Variants in CEP57L1 observed in about 807,000 individuals in gnomAD.
CEP57L1 encodes centrosomal protein 57 like 1.
In CEP57L1, 37 loss-of-function variants were observed where a neutral mutation model predicts 61.0. The observed-to-expected ratio is 0.61, with a 90% confidence interval of 0.47 to 0.80. The LOEUF (loss-of-function observed/expected upper bound fraction) is 0.80. Ranked by LOEUF, CEP57L1 falls within the 30% of genes least tolerant of loss-of-function variation. The pLI is 0.00. For missense variants in CEP57L1, 422 were observed against 524.7 expected, an observed-to-expected ratio of 0.80 and a Z score of 1.91; for synonymous variants, 137 against 162.3, an observed-to-expected ratio of 0.84 and a Z score of 1.19.
At chr6:109,095,411 G>C, upstream of CEP57L1, 2 of 985,902 alleles carry the variant, frequency 2.0e-6, no homozygotes, top group Non-Finnish European at 1.2e-6. Flanking sequence ...ATTTAAGTCG[G>C]TAGGACGTCT....
chr6:109,103,949 C>A (rs1200895479), intron 1 of CEP57L1, among the ~76,000 whole-genome samples: 2 of 150,206 alleles, frequency 1.3e-5, no homozygotes, highest in Admixed American at 6.6e-5. Flanking sequence ...ATATTTCAAA[C>A]AAAAAATAAG....
At chr6:109,129,443 T>C (rs997268560) in intron 1 of CEP57L1, 2 of 616,300 alleles carry the variant, frequency 3.2e-6, no homozygotes, top group African/African-American at 3.8e-5. Flanking sequence ...TATTCTGTAA[T>C]TTCTTCCTCA....
chr6:109,123,185 T>C (rs1183075616), intron 1 of CEP57L1, among the ~76,000 whole-genome samples: 2 of 152,204 alleles, frequency 1.3e-5, no homozygotes, highest in Non-Finnish European at 2.9e-5. Flanking sequence ...TCTATGTATA[T>C]TGATGACTTC....
intron 1 of CEP57L1, among the ~76,000 whole-genome samples, chr6:109,129,822 TAATTTAA>T (rs373308225): frequency 0.12 from 17,673 of 151,534 alleles, 1,130 homozygotes; most frequent in Middle Eastern, 0.21. Flanking sequence ...ATTTTTTTTT[TAATTTAA>T]AATTTAAAAT....
chr6:109,112,376 T>C (rs1216744360), intron 1 of CEP57L1, among the ~76,000 whole-genome samples: 2 of 152,200 alleles, frequency 1.3e-5, no homozygotes, highest in Admixed American at 6.5e-5. Context: ...GATATCCCTT[T>C]TATCATTTTT....
At chr6:109,109,663 T>C (rs752609248) in intron 1 of CEP57L1, among the ~76,000 whole-genome samples, 2 of 152,180 alleles carry the variant, frequency 1.3e-5, no homozygotes, top group South Asian at 2.1e-4. Flanking sequence ...CTACATTAGG[T>C]ATTTCTCCTA....
At chr6:109,126,796 G>A (rs1287227695) in intron 1 of CEP57L1, among the ~76,000 whole-genome samples, 1 of 152,170 alleles carries the variant, frequency 6.6e-6, no homozygotes, top group East Asian at 1.9e-4. Flanking sequence ...TGAATTAACT[G>A]TGCACATGAA....
At position 109,150,202 on chromosome 6, in the gene CEP57L1, A is replaced by C; in HGVS notation, c.425A>C (p.Asn142Thr). The C allele has an allele frequency of 6.2e-7, 1 of 1,606,788 alleles. No homozygotes were observed. Among genetic ancestry groups the C allele is most frequent in the Non-Finnish European group, 8.5e-7 (1 of 1,173,746 alleles). The change falls in exon 4 of 11, where the codon AAC (asparagine) becomes ACC (threonine). Residue 142 changes from asparagine to threonine, a missense_variant. Asn to Thr is a moderately conservative substitution (Grantham distance 65). Coordinates refer to ENST00000517392, the MANE Select transcript of CEP57L1 (RefSeq NM_001271852.3). ...GAATATACAAAGAGAATGGTTCTCAACGTAGAGCGAGAAAAGAACATGATC... is the reference window on the plus strand; with the variant it reads ...GAATATACAAAGAGAATGGTTCTCACCGTAGAGCGAGAAAAGAACATGATC... ...QLEYTKRMVL[N>T]VEREKNMILE...
chr6:109,141,705 A>T (rs189704758), intron 1 of CEP57L1, among the ~76,000 whole-genome samples: 7 of 151,950 alleles, frequency 4.6e-5, no homozygotes, highest in Admixed American at 4.6e-4. Flanking sequence ...ATTCAGTTAT[A>T]ATAAGATAAT....
In CEP57L1 at chr6:109,171,073, G is replaced by A. The variant is rs1363929486; in HGVS notation, c.*8103G>A. 6.6e-6 allele frequency among the ~76,000 whole-genome samples: 1 copy of A among 151,632 alleles called. No homozygotes were observed. Among genetic ancestry groups the A allele is most frequent in the Non-Finnish European group, 1.5e-5 (1 of 67,962 alleles). Reference sequence around the variant, plus strand: ...ATTCTCTCAAGGTATGATTTAAATGGTGGACACTTAAGCCAAAATTTCAAA... The same window carrying A: ...ATTCTCTCAAGGTATGATTTAAATGATGGACACTTAAGCCAAAATTTCAAA... On this transcript the variant is annotated 3_prime_UTR_variant, in exon 11 of 11. Transcript: ENST00000517392.
At chr6:109,123,136 A>G (rs369589191) in intron 1 of CEP57L1, among the ~76,000 whole-genome samples, 277 of 152,092 alleles carry the variant, frequency 1.8e-3, no homozygotes, top group African/African-American at 6.4e-3. Flanking sequence ...TAGACTGCAT[A>G]CTCTATATCT....
rs144706502 is a variant in CEP57L1 at position 109,124,615 on chromosome 6, T to A, written c.-3-20604T>A. 1.1e-3 allele frequency among the ~76,000 whole-genome samples: 163 copies of A among 152,286 alleles called. 1 individual carries two copies. Among genetic ancestry groups the A allele is most frequent in the African/African-American group, 3.5e-3 (147 of 41,550 alleles). ...TTAGTAAGTTAATTCACAGAAGAAG[T>A]TTTTAATAAATGTGAGATATCATTA... On this transcript the variant is annotated intron_variant, in intron 1 of 10. Coordinates refer to ENST00000517392, the MANE Select transcript of CEP57L1 (RefSeq NM_001271852.3).
intron 6 of CEP57L1, 119 bp downstream of exon 6, chr6:109,155,426 C>T (rs1232814477): frequency 9.3e-6 from 5 of 538,506 alleles, no homozygotes; most frequent in East Asian, 6.9e-5. Flanking sequence ...ATTGTCTTTT[C>T]GTTACAATAA....
chr6:109,149,476 G>C (rs1468580126), intron 3 of CEP57L1, among the ~76,000 whole-genome samples: 2 of 150,962 alleles, frequency 1.3e-5, no homozygotes, highest in African/African-American at 4.9e-5. Context: ...CCATTGATCT[G>C]TATCTCTGTT....
chr6:109,129,181 CAG>C (rs1205964721), intron 1 of CEP57L1: 3 of 225,052 alleles, frequency 1.3e-5, no homozygotes, highest in Admixed American at 1.0e-4. Flanking sequence ...GCCTGGGCGA[CAG>C]AGAGAGACTC....
At chr6:109,143,706 G>T (rs1771663252) in intron 1 of CEP57L1, among the ~76,000 whole-genome samples, 1 of 152,100 alleles carries the variant, frequency 6.6e-6, no homozygotes, top group Admixed American at 6.6e-5. Context: ...AATCCGGTTT[G>T]TGAAATAATA....
chr6:109,160,744 A>G (rs1242588430), intron 10 of CEP57L1, 28 bp downstream of exon 10: 1 of 1,565,220 alleles, frequency 6.4e-7, no homozygotes, highest in Non-Finnish European at 8.6e-7. Flanking sequence ...AGAGATTTTA[A>G]TAAAAACACA....
chr6:109,160,860 A>ATGGCTCTATTCTGTC, intron 10 of CEP57L1, 144 bp downstream of exon 10: 1 of 680,922 alleles, frequency 1.5e-6, no homozygotes, highest in Non-Finnish European at 2.2e-6. Context: ...CCTATGACAG[A>ATGGCTCTATTCTGTC]ATAGAGCCAT....
At chr6:109,136,918 A>G (rs1211048203) in intron 1 of CEP57L1, among the ~76,000 whole-genome samples, 1 of 151,698 alleles carries the variant, frequency 6.6e-6, no homozygotes, top group African/African-American at 2.4e-5. Flanking sequence ...ACTGCGCCCT[A>G]CAATGTATTT....
Sources: allele counts gnomAD v4.1 joint callset (sites outside exome capture counted in the v4.1 genomes callset), GRCh38; gene constraint gnomAD v4.1.1; transcripts MANE v1.5; gene names NCBI Gene and HGNC (gene_info 2026-07-23, HGNC 2026-07-21).